Variants in SNX29 observed in about 807,000 individuals in gnomAD.
The protein encoded by SNX29 is sorting nexin-29.
SNX29 carries 78 observed loss-of-function variants against 102.1 expected under a neutral mutation model. The ratio of observed to expected loss-of-function variants is 0.76; its 90% CI spans 0.64 to 0.92. The LOEUF is 0.92. SNX29 is among the 40% of genes least tolerant of loss of function. SNX29 has a pLI of 0.00. For synonymous variants in SNX29, 580 were observed against 414.5 expected (o/e 1.40, Z -4.85); for missense variants, 1,280 against 1,061.7 (o/e 1.21, Z -2.86).
intron 19 of SNX29, among the ~76,000 whole-genome samples, chr16:12,479,359 C>T (rs1356568369): frequency 6.6e-6 from 1 of 152,238 alleles, no homozygotes; most frequent in African/African-American, 2.4e-5. Context: ...ATAACCCACT[C>T]CTGGCACTTG....
At chr16:12,485,958 C>T (rs753131187) in intron 19 of SNX29, among the ~76,000 whole-genome samples, 29 of 152,162 alleles carry the variant, frequency 1.9e-4, no homozygotes, top group Admixed American at 4.6e-4. Context: ...CTGTACATCC[C>T]GGATCAGTTT....
At chr16:12,061,031 C>T (rs935451593) in intron 8 of SNX29, among the ~76,000 whole-genome samples, 1 of 152,158 alleles carries the variant, frequency 6.6e-6, no homozygotes, top group Non-Finnish European at 1.5e-5. Flanking sequence ...GAGCAGATGG[C>T]CTGTGATGCA....
At chr16:12,552,648 T>G (rs1194240542) in intron 20 of SNX29, among the ~76,000 whole-genome samples, 1 of 152,082 alleles carries the variant, frequency 6.6e-6, no homozygotes, top group Non-Finnish European at 1.5e-5. Flanking sequence ...ATGGAAGGAT[T>G]GCAATGGGAG....
intron 19 of SNX29, among the ~76,000 whole-genome samples, chr16:12,489,103 C>T (rs1390920803): frequency 6.6e-6 from 1 of 152,206 alleles, no homozygotes; most frequent in African/African-American, 2.4e-5. Flanking sequence ...TTTCAGACAA[C>T]TGATTAAAAT....
chr16:12,244,760 T>G (rs2078212353), intron 14 of SNX29, among the ~76,000 whole-genome samples: 1 of 152,212 alleles, frequency 6.6e-6, no homozygotes, highest in African/African-American at 2.4e-5. Context: ...TCAGCATCTT[T>G]AAGCTGGAGG....
chr16:12,542,922 A>G (rs965412755), intron 20 of SNX29, among the ~76,000 whole-genome samples: 1 of 152,118 alleles, frequency 6.6e-6, no homozygotes, highest in South Asian at 2.1e-4. Context: ...TTGCTTAGCA[A>G]AACTATAGAG....
In SNX29 at chr16:12,550,431, A is replaced by G. The variant is rs142984457; in HGVS notation, c.2319-18075A>G. 5.0e-3 allele frequency among the ~76,000 whole-genome samples: 761 copies of G among 150,888 alleles called. 4 individuals are homozygous for G. The highest frequency in any genetic ancestry group is 0.018 in the African/African-American group (726 of 41,202). Reference sequence around the variant, plus strand: ...ACGCCTGTACTCCCACCTACTTGGGAGGCTGAGGCAGGAGAATCACTTAAA... The same window carrying G: ...ACGCCTGTACTCCCACCTACTTGGGGGGCTGAGGCAGGAGAATCACTTAAA... On this transcript the variant is annotated intron_variant, in intron 20 of 20. Transcript: ENST00000566228.
At position 12,344,948 on chromosome 16, in the gene SNX29, T is replaced by A. The variant is rs571592346; in HGVS notation, c.1783-11215T>A. Among the ~76,000 whole-genome samples the A allele has an allele frequency of 1.8e-4, 28 of 152,354 alleles. No homozygotes were observed. In the South Asian group the frequency reaches 3.7e-3, roughly 20 times the overall value. ...TTTTCACAGGCCTAGCCGAGCACCA[T>A]GTTTTGTGCTTGTGATGGAACTATA... On this transcript the variant is annotated intron_variant, in intron 15 of 20. Coordinates refer to ENST00000566228, the MANE Select transcript of SNX29 (RefSeq NM_032167.5).
In SNX29 at chr16:12,569,516, A is replaced by T. The variant is rs536734709; in HGVS notation, c.*887A>T. The T allele has an allele frequency of 4.3e-6, 1 of 231,640 alleles. No individual in the cohort carries two copies. The highest frequency in any genetic ancestry group is 2.2e-5 in the African/African-American group (1 of 45,264). 14.3% of individuals were successfully genotyped at this position (231,640 alleles called of 1,614,324 possible). ...TTCCAGGGTTTTCAAACCAGGCTCC[A>T]TGACTATGAAGTTGGACCCAGTGTG... On this transcript the variant is annotated 3_prime_UTR_variant, in exon 21 of 21. Coordinates refer to ENST00000566228, the MANE Select transcript of SNX29 (RefSeq NM_032167.5).
At chr16:12,467,811 G>A (rs13333103) in intron 18 of SNX29, among the ~76,000 whole-genome samples, 11,124 of 152,182 alleles carry the variant, frequency 0.073, 662 homozygotes, top group East Asian at 0.29. Flanking sequence ...ACAACAAACA[G>A]GTCTACCTAG....
intron 20 of SNX29, among the ~76,000 whole-genome samples, chr16:12,564,422 A>C (rs766411482): frequency 6.6e-6 from 1 of 152,176 alleles, no homozygotes; most frequent in Non-Finnish European, 1.5e-5. Context: ...GATTGGCACT[A>C]TTATCCTCAT....
At chr16:12,164,041 G>C (rs977344223) in intron 13 of SNX29, among the ~76,000 whole-genome samples, 1 of 152,186 alleles carries the variant, frequency 6.6e-6, no homozygotes, top group Non-Finnish European at 1.5e-5. Context: ...AATATCTTTT[G>C]GTTGGGAGGG....
Position 12,266,465 on chromosome 16 carries a change from G to A in SNX29, c.1679-11468G>A, listed in dbSNP as rs553822354. 2.8e-4 allele frequency among the ~76,000 whole-genome samples: 42 copies of A among 152,236 alleles called. 1 individual carries two copies. The East Asian group carries it at 7.1e-3, about 26-fold the overall frequency. On this transcript the variant is annotated intron_variant, in intron 14 of 20. Coordinates refer to ENST00000566228, the MANE Select transcript of SNX29 (RefSeq NM_032167.5). Reference sequence around the variant, plus strand: ...CAACCAACCAGCCCCTCTGGAGACCGTGGTCTACCAGTCATCTCAGTAGCT... The same window carrying A: ...CAACCAACCAGCCCCTCTGGAGACCATGGTCTACCAGTCATCTCAGTAGCT...
intron 14 of SNX29, among the ~76,000 whole-genome samples, chr16:12,210,677 AG>A (rs1225218161): frequency 2.0e-5 from 3 of 151,614 alleles, no homozygotes; most frequent in Admixed American, 6.6e-5. Flanking sequence ...TCCTTGCTTC[AG>A]GTTGTAGCCA....
chr16:12,164,069 G>A (rs2055907585), intron 13 of SNX29, among the ~76,000 whole-genome samples: 3 of 152,150 alleles, frequency 2.0e-5, no homozygotes, highest in African/African-American at 4.8e-5. Flanking sequence ...TCTTAGTTGG[G>A]GAAAGCATTT....
At chr16:12,111,988 C>A (rs2053519797) in intron 11 of SNX29, among the ~76,000 whole-genome samples, 1 of 152,084 alleles carries the variant, frequency 6.6e-6, no homozygotes, top group South Asian at 2.1e-4. Flanking sequence ...ACACACCCAC[C>A]CCGTGGTCAT....
chr16:12,498,530 C>T (rs183338189), intron 19 of SNX29, among the ~76,000 whole-genome samples: 37 of 152,296 alleles, frequency 2.4e-4, no homozygotes, highest in African/African-American at 8.4e-4. Flanking sequence ...TTCATCCATT[C>T]TGCACATCTT....
intron 18 of SNX29, among the ~76,000 whole-genome samples, chr16:12,467,801 A>G (rs2087129362): frequency 2.0e-5 from 3 of 152,312 alleles, no homozygotes; most frequent in African/African-American, 7.2e-5. Flanking sequence ...AAGGAGAAAG[A>G]CAACAAACAG....
In SNX29 at chr16:12,554,773, CG is replaced by C. The variant is rs372958205; in HGVS notation, c.2319-13732del. On this transcript the variant is annotated intron_variant, in intron 20 of 20. Transcript: ENST00000566228. ...GTGTATTAGAACGTGCTCTCTCCCC[CG>C]CCATAGAATGCAATTGTTTATTCTA... 3.1e-3 allele frequency among the ~76,000 whole-genome samples: 451 copies of C among 147,760 alleles called. 1 individual carries two copies. Among genetic ancestry groups the C allele is most frequent in the African/African-American group, 0.011 (421 of 37,340 alleles).
Sources: allele counts gnomAD v4.1 joint callset (sites outside exome capture counted in the v4.1 genomes callset), GRCh38; gene constraint gnomAD v4.1.1; transcripts MANE v1.5; gene names NCBI Gene and HGNC (gene_info 2026-07-23, HGNC 2026-07-21).